Variants in MYCT1 observed in about 807,000 individuals in gnomAD.
MYCT1 encodes the protein MYC target 1.
Under a neutral mutation model 15.0 loss-of-function variants are expected in MYCT1, and 12 were observed. That is an observed-to-expected ratio of 0.80 (90% CI 0.51 to 1.29). The LOEUF is 1.29. MYCT1 is among the 50% of genes most tolerant of loss of function. The pLI is 0.00. For synonymous variants in MYCT1, 104 were observed against 102.7 expected (o/e 1.01, Z -0.07); for missense variants, 287 against 279.1 (o/e 1.03, Z -0.20).
Position 152,702,296 on chromosome 6 carries a change from C to A in MYCT1, c.196+4198C>A, listed in dbSNP as rs191861137. On this transcript the variant is annotated intron_variant, in intron 1 of 1. Coordinates refer to ENST00000367245, the MANE Select transcript of MYCT1 (RefSeq NM_025107.3). ...CCTTTAGGCTGTTAGCTTTTAGAAA[C>A]TGAACCAAACAAAGAAACTCAAAGC... is the stretch of plus-strand genomic sequence containing the variant. 3.3e-5 allele frequency among the ~76,000 whole-genome samples: 5 copies of A among 152,222 alleles called. No homozygotes were observed. In the East Asian group the frequency reaches 7.7e-4, roughly 24 times the overall value.
At chr6:152,729,388 G>A (rs1471217518), downstream of MYCT1, among the ~76,000 whole-genome samples, 4 of 150,966 alleles carry the variant, frequency 2.6e-5, no homozygotes, top group Admixed American at 6.6e-5. Flanking sequence ...TCTTGGTTTT[G>A]TACAACCTGA....
Position 152,723,610 on chromosome 6 carries a change from A to C in MYCT1, c.*1357A>C, listed in dbSNP as rs1169323248. The C allele has an allele frequency of 6.6e-6, 1 of 152,218 alleles. No individual in the cohort carries two copies. The highest frequency in any genetic ancestry group is 1.5e-5 in the Non-Finnish European group (1 of 68,044). 9.4% of individuals were successfully genotyped at this position (152,218 alleles called of 1,614,324 possible). Reference sequence around the variant, plus strand: ...AATCTCAATTCCAACTTCTCTGCAGAGTCTGTACAGTGATTAAGCCATGCC... The same window carrying C: ...AATCTCAATTCCAACTTCTCTGCAGCGTCTGTACAGTGATTAAGCCATGCC... On this transcript the variant is annotated 3_prime_UTR_variant, in exon 2 of 2. Coordinates refer to ENST00000367245, the MANE Select transcript of MYCT1 (RefSeq NM_025107.3).
At chr6:152,729,081 T>C (rs1195663197), downstream of MYCT1, among the ~76,000 whole-genome samples, 1 of 152,196 alleles carries the variant, frequency 6.6e-6, no homozygotes, top group Non-Finnish European at 1.5e-5. Flanking sequence ...GTCATCTCTC[T>C]GAATATCCAG....
chr6:152,721,776 A>G lies in MYCT1; in HGVS notation c.231A>G (p.Ala77=). The part of the protein sequence containing the change: ...DLIMSFTVSM[A]IGLVLGGFIW... ...TCATGTCCTTCACTGTATCCATGGC[A>G]ATCGGGCTGGTACTTGGAGGATTTA... Residue 77 remains alanine (A), a synonymous_variant, in exon 2 of 2, where the codon GCA becomes GCG. Coordinates refer to ENST00000367245, the MANE Select transcript of MYCT1 (RefSeq NM_025107.3). 2 of 1,614,160 alleles carry G rather than the reference A, an allele frequency of 1.2e-6. No homozygotes were observed. Among genetic ancestry groups the G allele is most frequent in the East Asian group, 4.5e-5 (2 of 44,888 alleles).
chr6:152,722,673 G>T lies in MYCT1; in HGVS notation c.*420G>T. The T allele has an allele frequency of 3.4e-6, 1 of 295,976 alleles. No homozygotes were observed. The highest frequency in any genetic ancestry group is 6.7e-6 in the Non-Finnish European group (1 of 148,890). The allele number at this position is 295,976 out of a possible 1,614,324, so 18.3% of individuals were successfully genotyped here. On this transcript the variant is annotated 3_prime_UTR_variant, in exon 2 of 2. Transcript: ENST00000367245. The stretch of plus-strand genomic sequence containing the variant: ...TCACTTTAAAGAAAAATCTTCTAAG[G>T]GATTTGGATTTTACTTTCTTTAGAA...
At chr6:152,704,312 C>T (rs766189840) in intron 1 of MYCT1, among the ~76,000 whole-genome samples, 25 of 152,098 alleles carry the variant, frequency 1.6e-4, no homozygotes, top group Non-Finnish European at 3.5e-4. Flanking sequence ...AAGACTTTCT[C>T]TATTCAAGTC....
downstream of MYCT1, among the ~76,000 whole-genome samples, chr6:152,726,413 A>G (rs180687867): frequency 8.1e-4 from 123 of 151,014 alleles, no homozygotes; most frequent in African/African-American, 2.6e-3. Flanking sequence ...AAAAAAAAAA[A>G]GAGAATGGCT....
At chr6:152,707,502 A>T (rs1052855164) in intron 1 of MYCT1, among the ~76,000 whole-genome samples, 1 of 152,052 alleles carries the variant, frequency 6.6e-6, no homozygotes, top group African/African-American at 2.4e-5. Flanking sequence ...GAAGCTTTGT[A>T]GTTTGACACA....
At chr6:152,718,101 A>G (rs2099724062) in intron 1 of MYCT1, among the ~76,000 whole-genome samples, 1 of 152,174 alleles carries the variant, frequency 6.6e-6, no homozygotes. Context: ...TCAAAGTATT[A>G]CCAAGCCACA....
At chr6:152,705,593 CT>C (rs2099722115) in intron 1 of MYCT1, 1 of 158,240 alleles carries the variant, frequency 6.3e-6, no homozygotes, top group African/African-American at 2.4e-5. Context: ...CAGATGGTCC[CT>C]GACTTATGAT....
chr6:152,745,440 G>A, the MYCT1 span, among the ~76,000 whole-genome samples: 2 of 152,110 alleles, frequency 1.3e-5, no homozygotes, highest in African/African-American at 2.4e-5. Context: ...TCCAGCCTGG[G>A]TTACAGAGAC....
At chr6:152,746,213 T>C in the MYCT1 span, among the ~76,000 whole-genome samples, 4 of 152,228 alleles carry the variant, frequency 2.6e-5, no homozygotes, top group African/African-American at 7.2e-5. Flanking sequence ...CAGAGGGTGA[T>C]TGAGTTGAAG....
intron 1 of MYCT1, among the ~76,000 whole-genome samples, chr6:152,699,556 G>C (rs2129067589): frequency 6.6e-6 from 1 of 152,220 alleles, no homozygotes; most frequent in South Asian, 2.1e-4. Flanking sequence ...ATTATTTGCT[G>C]TCCTCACTTA....
Position 152,722,873 on chromosome 6 carries a change from G to T in MYCT1, c.*620G>T. ...CCCATCTTAGTGCCCCAAGTAGCTG[G>T]GACTACAGGGGTGCACTACCACACC... is the stretch of plus-strand genomic sequence containing the variant. On this transcript the variant is annotated 3_prime_UTR_variant, in exon 2 of 2. Coordinates refer to ENST00000367245, the MANE Select transcript of MYCT1 (RefSeq NM_025107.3). 1 of 221,602 alleles carries T rather than the reference G, an allele frequency of 4.5e-6. No homozygotes were observed. Among genetic ancestry groups the T allele is most frequent in the Non-Finnish European group, 9.2e-6 (1 of 108,704 alleles). 13.7% of individuals were successfully genotyped at this position (221,602 alleles called of 1,614,324 possible).
rs1406268048 is a variant in MYCT1 at position 152,724,040 on chromosome 6, A to T, written c.*1787A>T. ...TTCCTTAAGGACAATTATTCTTAAT[A>T]ATGCTTATAGAAAATGTTCTCTAAT... On this transcript the variant is annotated 3_prime_UTR_variant, in exon 2 of 2. Coordinates refer to ENST00000367245, the MANE Select transcript of MYCT1 (RefSeq NM_025107.3). The T allele has an allele frequency of 6.6e-6, 1 of 152,194 alleles. No individual in the cohort carries two copies. Among genetic ancestry groups the T allele is most frequent in the Non-Finnish European group, 1.5e-5 (1 of 68,028 alleles). 9.4% of individuals were successfully genotyped at this position (152,194 alleles called of 1,614,324 possible).
the MYCT1 span, among the ~76,000 whole-genome samples, chr6:152,745,451 A>G: frequency 2.6e-5 from 4 of 152,184 alleles, no homozygotes. Flanking sequence ...TTACAGAGAC[A>G]GACTCCAAGT....
intron 1 of MYCT1, among the ~76,000 whole-genome samples, chr6:152,716,322 C>T (rs2099723679): frequency 1.3e-5 from 2 of 152,120 alleles, no homozygotes; most frequent in Non-Finnish European, 2.9e-5. Flanking sequence ...AAAAGTAGTT[C>T]TATTGCCTGA....
the MYCT1 span, among the ~76,000 whole-genome samples, chr6:152,732,157 T>C: frequency 1.3e-5 from 2 of 152,230 alleles, no homozygotes; most frequent in African/African-American, 4.8e-5. Context: ...TATTTGCTTT[T>C]GTTTGTCTTT....
intron 1 of MYCT1, among the ~76,000 whole-genome samples, chr6:152,715,727 G>T (rs946768482): frequency 2.6e-5 from 4 of 152,126 alleles, no homozygotes; most frequent in African/African-American, 9.7e-5. Flanking sequence ...CAAAAGACCT[G>T]AAATTAACCA....
Sources: allele counts gnomAD v4.1 joint callset (sites outside exome capture counted in the v4.1 genomes callset), GRCh38; gene constraint gnomAD v4.1.1; transcripts MANE v1.5; gene names NCBI Gene and HGNC (gene_info 2026-07-23, HGNC 2026-07-21).